SGK3: variants seen among roughly 807,000 people sequenced by gnomAD.
The protein encoded by SGK3 is serine/threonine-protein kinase Sgk3.
SGK3 carries 47 observed loss-of-function variants against 68.5 expected under a neutral mutation model. That is an observed-to-expected ratio of 0.69 (90% CI 0.54 to 0.87). SGK3 has a LOEUF of 0.87. Among genes scored for constraint, SGK3 ranks in the 40% least tolerant of loss-of-function variants. The probability of loss-of-function intolerance (pLI) is 0.00; values close to 1 mark genes in which losing one functional copy is unlikely to be tolerated. For synonymous variants in SGK3, 181 were observed against 189.1 expected, an observed-to-expected ratio of 0.96 and a Z score of 0.35; for missense variants, 479 against 575.5, an observed-to-expected ratio of 0.83 and a Z score of 1.72.
At chr8:66,845,894 T>G (rs903645595) in intron 14 of SGK3, among the ~76,000 whole-genome samples, 3 of 151,946 alleles carry the variant, frequency 2.0e-5, no homozygotes, top group Non-Finnish European at 4.4e-5. Flanking sequence ...ATTGTTTGGA[T>G]TTGTTACAAC....
At chr8:66,770,874 T>G (rs1177780029) in intron 1 of SGK3, among the ~76,000 whole-genome samples, 1 of 152,166 alleles carries the variant, frequency 6.6e-6, no homozygotes, top group African/African-American at 2.4e-5. Flanking sequence ...TCCTCTCAAC[T>G]CAGGTAGTCT....
chr8:66,730,734 G>A (rs548346822), intron 1 of SGK3, among the ~76,000 whole-genome samples: 3 of 152,286 alleles, frequency 2.0e-5, no homozygotes, highest in Admixed American at 2.0e-4. Context: ...CTGGAGTGCA[G>A]TGGTGCGGTC....
chr8:66,713,138 G>T (rs1804539171), intron 1 of SGK3, among the ~76,000 whole-genome samples: 1 of 152,222 alleles, frequency 6.6e-6, no homozygotes, highest in African/African-American at 2.4e-5. Context: ...GACCCTATCT[G>T]AGGTCGAAAG....
At chr8:66,728,229 A>C (rs1379310387) in intron 1 of SGK3, among the ~76,000 whole-genome samples, 1 of 152,172 alleles carries the variant, frequency 6.6e-6, no homozygotes, top group African/African-American at 2.4e-5. Context: ...TATTTAAAAA[A>C]TGTGATCATA....
intron 1 of SGK3, among the ~76,000 whole-genome samples, chr8:66,789,046 C>T (rs1352408394): frequency 6.6e-6 from 1 of 151,450 alleles, no homozygotes; most frequent in African/African-American, 2.4e-5. Flanking sequence ...ATTGTCCTTA[C>T]TGATGGTGAT....
intron 1 of SGK3, among the ~76,000 whole-genome samples, chr8:66,785,432 G>C (rs758117234): frequency 5.9e-5 from 9 of 152,206 alleles, no homozygotes; most frequent in Non-Finnish European, 1.3e-4. Flanking sequence ...CCTGGCATTA[G>C]TGCTCAGTAA....
At chr8:66,804,493 T>G in intron 4 of SGK3, 46 bp downstream of exon 4, 1 of 1,586,046 alleles carries the variant, frequency 6.3e-7, no homozygotes, top group Non-Finnish European at 8.6e-7. Flanking sequence ...TTGTTGAAGT[T>G]TGAAGAAGTA....
intron 14 of SGK3, among the ~76,000 whole-genome samples, chr8:66,846,474 C>T (rs939106341): frequency 1.3e-5 from 2 of 152,026 alleles, no homozygotes; most frequent in African/African-American, 4.8e-5. Context: ...ACCACCATGC[C>T]CAGCTGGTTT....
chr8:66,820,775 T>C (rs1437082175), intron 5 of SGK3, among the ~76,000 whole-genome samples: 1 of 152,168 alleles, frequency 6.6e-6, no homozygotes. Context: ...GCAATCTTGG[T>C]TCACTGCAGC....
intron 3 of SGK3, among the ~76,000 whole-genome samples, chr8:66,800,914 G>A (rs535856666): frequency 3.5e-4 from 53 of 152,290 alleles, no homozygotes; most frequent in South Asian, 6.2e-4. Flanking sequence ...GAGCCTGGGC[G>A]GTTGAGGCTG....
At chr8:66,803,388 G>T (rs1421914764) in intron 3 of SGK3, among the ~76,000 whole-genome samples, 2 of 135,952 alleles carry the variant, frequency 1.5e-5, no homozygotes, top group Non-Finnish European at 3.0e-5. Flanking sequence ...GGAGTGCAGT[G>T]GCGTAATCAC....
intron 2 of SGK3, among the ~76,000 whole-genome samples, chr8:66,796,425 A>C (rs1270823449): frequency 7.6e-6 from 1 of 130,938 alleles, no homozygotes; most frequent in African/African-American, 2.8e-5. Flanking sequence ...TCGGCCTCCC[A>C]AAGTGCTGGG....
chr8:66,814,464 AG>A (rs1808500340), intron 5 of SGK3, among the ~76,000 whole-genome samples: 2 of 152,210 alleles, frequency 1.3e-5, no homozygotes, highest in South Asian at 4.1e-4. Context: ...TAATCATTCG[AG>A]AAAAAAAGAA....
At chr8:66,713,197 G>A (rs1023291844) in intron 1 of SGK3, among the ~76,000 whole-genome samples, 3 of 152,216 alleles carry the variant, frequency 2.0e-5, no homozygotes, top group Admixed American at 6.5e-5. Context: ...CCGCCAGAGT[G>A]GGGTGGATGG....
intron 7 of SGK3, among the ~76,000 whole-genome samples, 158 bp downstream of exon 7, chr8:66,828,861 C>T (rs1206596383): frequency 2.0e-5 from 3 of 150,538 alleles, no homozygotes; most frequent in Non-Finnish European, 4.4e-5. Context: ...TTGTATGCTC[C>T]AGCTTTTCAC....
intron 12 of SGK3, 200 bp from the exon 13 acceptor site, chr8:66,840,824 C>T (rs1170880184): frequency 6.1e-6 from 2 of 328,920 alleles, no homozygotes; most frequent in South Asian, 1.0e-4. Flanking sequence ...CGCCTGTGGT[C>T]CCAGCTACTC....
rs1231335860 is a variant in SGK3, at chr8:66,739,966, C to T, written c.-122+27133C>T. Among the ~76,000 whole-genome samples the T allele has an allele frequency of 5.3e-5, 8 of 152,316 alleles. No individual in the cohort carries two copies. The East Asian group carries it at 1.5e-3, about 29-fold the overall frequency. On this transcript the variant is annotated intron_variant, in intron 1 of 16. Coordinates refer to ENST00000521198, the MANE Select transcript of SGK3 (RefSeq NM_001033578.3). Reference sequence around the variant, plus strand: ...GATTCAATTACCTACCACTGGGTCCCTCCCACAACATGTGGGGATTATGGG... The same window carrying T: ...GATTCAATTACCTACCACTGGGTCCTTCCCACAACATGTGGGGATTATGGG...
intron 1 of SGK3, among the ~76,000 whole-genome samples, chr8:66,759,055 C>CTTCTTTT (rs1455168929): frequency 6.6e-6 from 1 of 150,586 alleles, no homozygotes; most frequent in Admixed American, 6.6e-5. Flanking sequence ...TTAATAAGGC[C>CTTCTTTT]TTCTTTTTTC....
intron 6 of SGK3, among the ~76,000 whole-genome samples, chr8:66,828,055 C>T (rs908796075): frequency 6.6e-5 from 10 of 150,844 alleles, no homozygotes; most frequent in Admixed American, 2.7e-4. Flanking sequence ...AGCGGGGAGG[C>T]GGAGCTTGCA....
Sources: gnomAD v4.1 joint callset for allele counts (sites outside exome capture counted in the v4.1 genomes callset) on GRCh38, gnomAD v4.1.1 for gene constraint, MANE v1.5 for transcripts, NCBI Gene and HGNC (gene_info 2026-07-23, HGNC 2026-07-21) for gene names.